Variants in COLEC12 observed in about 807,000 individuals in gnomAD.
COLEC12 encodes the protein collectin-12.
In COLEC12, 33 loss-of-function variants were observed where a neutral mutation model predicts 71.1. The observed-to-expected ratio is 0.46, with a 90% CI of 0.35 to 0.62. The LOEUF is 0.62. COLEC12 is among the 20% of genes least tolerant of loss of function. The probability of loss-of-function intolerance (pLI) is 0.00; values close to 1 mark genes in which losing one functional copy is unlikely to be tolerated. For synonymous variants in COLEC12, 350 were observed against 353.0 expected, an observed-to-expected ratio of 0.99 and a Z score of 0.10; for missense variants, 765 against 916.1, an observed-to-expected ratio of 0.84 and a Z score of 2.13.
chr18:459,179 A>C (rs1308669487), intron 2 of COLEC12, among the ~76,000 whole-genome samples: 1 of 152,160 alleles, frequency 6.6e-6, no homozygotes, highest in Non-Finnish European at 1.5e-5. Context: ...TTGCTATCTG[A>C]AAAACTAGGT....
intron 2 of COLEC12, among the ~76,000 whole-genome samples, chr18:375,239 C>T (rs184753786): frequency 8.4e-4 from 128 of 152,314 alleles, no homozygotes; most frequent in Non-Finnish European, 1.4e-3. Flanking sequence ...AGCTGCCTGC[C>T]TTGCTGTTTC....
intron 5 of COLEC12, among the ~76,000 whole-genome samples, chr18:342,435 G>A (rs572992591): frequency 1.3e-5 from 2 of 152,352 alleles, no homozygotes; most frequent in Admixed American, 1.3e-4. Context: ...TGGCTGAACT[G>A]GACAGTGAGC....
chr18:325,461 C>G (rs906161858), intron 8 of COLEC12, among the ~76,000 whole-genome samples: 1 of 151,832 alleles, frequency 6.6e-6, no homozygotes, highest in East Asian at 1.9e-4. Context: ...GCAAGAGAGG[C>G]CTTAACAACC....
intron 2 of COLEC12, chr18:423,919 T>A (rs1445401398): frequency 6.6e-6 from 1 of 152,212 alleles, no homozygotes; most frequent in East Asian, 1.9e-4. Context: ...GCTCATCTGA[T>A]GTCAAGCTTT....
intron 5 of COLEC12, among the ~76,000 whole-genome samples, chr18:338,071 A>C (rs954738921): frequency 6.6e-6 from 1 of 152,156 alleles, no homozygotes; most frequent in Non-Finnish European, 1.5e-5. Flanking sequence ...TCAGTCTGGC[A>C]TGAAGGCTCC....
At chr18:498,370 T>C (rs1303227789) in intron 1 of COLEC12, among the ~76,000 whole-genome samples, 1 of 146,424 alleles carries the variant, frequency 6.8e-6, no homozygotes, top group African/African-American at 2.6e-5. Flanking sequence ...TTTCTTTTTT[T>C]TTTTTTTAGA....
In COLEC12 at chr18:408,942, C is replaced by T. The variant is rs935266132; in HGVS notation, c.59-51420G>A. On this transcript the variant is annotated intron_variant, in intron 2 of 9. Transcript: ENST00000400256. This position sits in a 1 kb window ranked among gnomAD's most constrained non-coding sequence, Gnocchi z 4.3. ...CCACCTCTGGGGTTCAAGTGATTCTCATGCCTCAGACTCCTGAGTAGCTGG... is the reference window on the plus strand; with the variant it reads ...CCACCTCTGGGGTTCAAGTGATTCTTATGCCTCAGACTCCTGAGTAGCTGG... Among the ~76,000 whole-genome samples, 3 of 152,146 alleles carry T rather than the reference C, an allele frequency of 2.0e-5. No individual in the cohort carries two copies. The highest frequency in any genetic ancestry group is 7.2e-5 in the African/African-American group (3 of 41,440).
intron 3 of COLEC12, among the ~76,000 whole-genome samples, chr18:351,126 T>C (rs1914511358): frequency 6.6e-6 from 1 of 152,178 alleles, no homozygotes; most frequent in South Asian, 2.1e-4. Flanking sequence ...CATGTGTTTG[T>C]GTGACCCAAA....
intron 2 of COLEC12, among the ~76,000 whole-genome samples, chr18:391,241 A>T (rs1360228990): frequency 6.6e-6 from 1 of 152,138 alleles, no homozygotes; most frequent in East Asian, 1.9e-4. Flanking sequence ...GACTCAGGAG[A>T]TTACACATTC....
At chr18:396,210 G>A (rs1704352018) in intron 2 of COLEC12, among the ~76,000 whole-genome samples, 1 of 152,198 alleles carries the variant, frequency 6.6e-6, no homozygotes, top group African/African-American at 2.4e-5. Flanking sequence ...AGTGGCAGCA[G>A]GTAATGAGTA....
chr18:468,177 G>C (rs1328386381), intron 2 of COLEC12, among the ~76,000 whole-genome samples: 1 of 150,048 alleles, frequency 6.7e-6, no homozygotes, highest in East Asian at 2.0e-4. Flanking sequence ...CAGGAGAATC[G>C]CTTAAACCCG....
intron 2 of COLEC12, among the ~76,000 whole-genome samples, chr18:416,464 T>G (rs61507706): frequency 0.077 from 11,668 of 152,244 alleles, 686 homozygotes; most frequent in African/African-American, 0.16. Context: ...ATGGGTCTCT[T>G]TAACTGCTCC....
intron 2 of COLEC12, among the ~76,000 whole-genome samples, chr18:374,701 A>G (rs1915075628): frequency 6.6e-6 from 1 of 152,172 alleles, no homozygotes; most frequent in African/African-American, 2.4e-5. Context: ...TCTGTTTATA[A>G]ACATTTCCCT....
At chr18:405,115 G>C (rs1598353140) in intron 2 of COLEC12, among the ~76,000 whole-genome samples, 1 of 152,016 alleles carries the variant, frequency 6.6e-6, no homozygotes, top group African/African-American at 2.4e-5. Context: ...ACTCCACCCT[G>C]GTAAATTTGT....
At chr18:333,171 A>T in intron 6 of COLEC12, 28 bp from the exon 7 acceptor site, 1 of 1,570,782 alleles carries the variant, frequency 6.4e-7, no homozygotes, top group East Asian at 2.2e-5. Context: ...GAAAACATTG[A>T]TTAAAAGATC....
At chr18:369,764 G>A (rs1035926499) in intron 2 of COLEC12, among the ~76,000 whole-genome samples, 7 of 152,078 alleles carry the variant, frequency 4.6e-5, no homozygotes, top group Non-Finnish European at 7.4e-5. Context: ...TTCACCCCAC[G>A]GATACAGGCT....
chr18:496,714 T>A (rs1917719788), intron 1 of COLEC12, among the ~76,000 whole-genome samples: 1 of 152,198 alleles, frequency 6.6e-6, no homozygotes, highest in Non-Finnish European at 1.5e-5. Context: ...AGTACAAAAA[T>A]AAGCAGCTGA....
chr18:444,232 CACTATGATGATTGAT>C (rs1399146203), intron 2 of COLEC12, among the ~76,000 whole-genome samples: 1 of 152,246 alleles, frequency 6.6e-6, no homozygotes, highest in Admixed American at 6.5e-5. Flanking sequence ...TATAAACATA[CACTATGATGATTGAT>C]ACATTCAATA....
At chr18:350,380 A>C (rs1379435252) in intron 3 of COLEC12, among the ~76,000 whole-genome samples, 3 of 151,900 alleles carry the variant, frequency 2.0e-5, no homozygotes, top group Non-Finnish European at 1.5e-5. Context: ...TTCCAGTTAA[A>C]CCTCTTGTTC....
Sources: allele counts gnomAD v4.1 joint callset (sites outside exome capture counted in the v4.1 genomes callset), GRCh38; gene constraint gnomAD v4.1.1; non-coding constraint Gnocchi (gnomAD v3.1); transcripts MANE v1.5; gene names NCBI Gene and HGNC (gene_info 2026-07-23, HGNC 2026-07-21).